Variants in DACH1 observed in about 807,000 individuals in gnomAD.
DACH1 encodes dachshund family transcription factor 1, also known as dachshund homolog 1.
A neutral mutation model predicts 54.2 loss-of-function variants in DACH1; 12 were observed. The observed-to-expected ratio is 0.22, with a 90% CI of 0.14 to 0.36. The LOEUF (loss-of-function observed/expected upper bound fraction) is 0.36. Among genes scored for constraint, DACH1 ranks in the 10% least tolerant of loss-of-function variants. DACH1 has a pLI of 1.00. For missense variants in DACH1, 805 were observed against 929.8 expected (o/e 0.87, Z 1.75); for synonymous variants, 386 against 366.2 (o/e 1.05, Z -0.62).
Position 71,866,332 on chromosome 13 carries a change from GCTA to G in DACH1, c.435_437del (p.Ser163del). 2.6e-6 allele frequency: 4 copies of G among 1,529,622 alleles called. No homozygotes were observed. Among genetic ancestry groups the G allele is most frequent in the South Asian group, 1.2e-5 (1 of 83,816 alleles). 94.8% of individuals were successfully genotyped at this position (1,529,622 alleles called of 1,614,324 possible). A position where few individuals can be genotyped will look rare whatever the true frequency, so the allele number is the denominator to read the frequency against. ...TACTACTGCTGCTGCTGCTGCTGCT[GCTA>G]CTGCTGCTGCTGCTGCTGCCGGTGC... is the stretch of plus-strand genomic sequence containing the variant. On this transcript the variant is annotated inframe_deletion, in exon 1 of 11. Transcript: ENST00000613252.
intron 10 of DACH1, among the ~76,000 whole-genome samples, chr13:71,471,742 A>C (rs1326042145): frequency 1.3e-5 from 2 of 151,444 alleles, no homozygotes; most frequent in Non-Finnish European, 2.9e-5. Context: ...ACAGAGTGAG[A>C]CTCTGTCTCA....
At chr13:71,558,323 T>C (rs1284148841) in intron 5 of DACH1, among the ~76,000 whole-genome samples, 4 of 152,042 alleles carry the variant, frequency 2.6e-5, no homozygotes, top group African/African-American at 9.7e-5. Context: ...TAAAGTAATA[T>C]GTTACATATA....
chr13:71,470,481 C>A (rs1876977933), intron 10 of DACH1, among the ~76,000 whole-genome samples: 1 of 151,988 alleles, frequency 6.6e-6, no homozygotes, highest in Non-Finnish European at 1.5e-5. Flanking sequence ...ACACTTGCCA[C>A]CATGCCCGGC....
chr13:71,495,103 C>T (rs1206004986), intron 6 of DACH1, among the ~76,000 whole-genome samples: 1 of 151,928 alleles, frequency 6.6e-6, no homozygotes. Flanking sequence ...TCTCTAATGT[C>T]TTTTATTATA....
chr13:71,647,607 T>C (rs947923093), intron 2 of DACH1, among the ~76,000 whole-genome samples: 11 of 152,082 alleles, frequency 7.2e-5, no homozygotes, highest in South Asian at 4.1e-4. Flanking sequence ...CAACCAATCA[T>C]AGGCAAAGAG....
chr13:71,616,879 ATTT>A (rs1171502107), intron 3 of DACH1, among the ~76,000 whole-genome samples: 1 of 140,304 alleles, frequency 7.1e-6, no homozygotes, highest in African/African-American at 2.7e-5. Flanking sequence ...TCGGGGTTCA[ATTT>A]TTTTTTTTTT....
chr13:71,619,472 A>C (rs1009516661), intron 3 of DACH1, among the ~76,000 whole-genome samples: 1 of 151,922 alleles, frequency 6.6e-6, no homozygotes, highest in African/African-American at 2.4e-5. Context: ...AATACCATCA[A>C]ATGCTTCATG....
chr13:71,756,314 A>AT (rs1209301751), intron 1 of DACH1, among the ~76,000 whole-genome samples: 6 of 152,022 alleles, frequency 3.9e-5, no homozygotes, highest in African/African-American at 1.2e-4. Flanking sequence ...AAGTGCTGGG[A>AT]TTACCTAAGT....
chr13:71,549,248 G>A (rs1398172109), intron 6 of DACH1, among the ~76,000 whole-genome samples: 1 of 152,092 alleles, frequency 6.6e-6, no homozygotes, highest in Non-Finnish European at 1.5e-5. Context: ...AAACTGATAA[G>A]TGAGTCTACT....
intron 3 of DACH1, among the ~76,000 whole-genome samples, chr13:71,600,232 CAAGACA>C: frequency 6.6e-6 from 1 of 152,166 alleles, no homozygotes; most frequent in Middle Eastern, 3.4e-3. Context: ...TTGCCCAAGG[CAAGACA>C]ACTTTCAAGT....
intron 3 of DACH1, among the ~76,000 whole-genome samples, chr13:71,594,421 T>C (rs566321164): frequency 3.3e-5 from 5 of 152,218 alleles, no homozygotes; most frequent in Admixed American, 1.3e-4. Flanking sequence ...CTTTTATAGA[T>C]ATTTTATTAC....
chr13:71,826,994 T>A (rs1888407789), intron 1 of DACH1, among the ~76,000 whole-genome samples: 1 of 152,104 alleles, frequency 6.6e-6, no homozygotes, highest in African/African-American at 2.4e-5. Flanking sequence ...TCCACTAGGA[T>A]GAGGATTAAG....
At chr13:71,643,326 C>T (rs770425829) in intron 2 of DACH1, among the ~76,000 whole-genome samples, 4 of 152,164 alleles carry the variant, frequency 2.6e-5, no homozygotes, top group Non-Finnish European at 4.4e-5. Flanking sequence ...TTTTGCAATA[C>T]TCTTACCATA....
intron 6 of DACH1, among the ~76,000 whole-genome samples, chr13:71,502,105 A>G (rs868057706): frequency 1.3e-5 from 2 of 152,158 alleles, no homozygotes; most frequent in South Asian, 4.1e-4. Context: ...ATAAATATAT[A>G]TTCAAAAAAT....
chr13:71,700,332 C>T lies in DACH1; in HGVS notation c.849-18422G>A, dbSNP rs888255781. Among the ~76,000 whole-genome samples the T allele has an allele frequency of 2.0e-5, 3 of 151,918 alleles. No homozygotes were observed. The East Asian group carries it at 5.8e-4, about 29-fold the overall frequency. On this transcript the variant is annotated intron_variant, in intron 1 of 10. Transcript: ENST00000613252. ...CAGCACTTTGGGAGTCCGAGTTGGG[C>T]GGATCACGAGGTCAGGAGTTCGAGA...
chr13:71,488,463 A>T (rs1047597968), intron 7 of DACH1, among the ~76,000 whole-genome samples: 4 of 152,190 alleles, frequency 2.6e-5, no homozygotes, highest in African/African-American at 4.8e-5. Flanking sequence ...AAATCCGTGG[A>T]AAGTTTGGTA....
At chr13:71,485,912 G>T (rs1878465497) in intron 7 of DACH1, among the ~76,000 whole-genome samples, 1 of 151,238 alleles carries the variant, frequency 6.6e-6, no homozygotes, top group Admixed American at 6.6e-5. Context: ...TTAAATGCAG[G>T]AATTCAGTAT....
chr13:71,452,395 T>A (rs1385184470), intron 10 of DACH1, among the ~76,000 whole-genome samples: 1 of 152,142 alleles, frequency 6.6e-6, no homozygotes, highest in Non-Finnish European at 1.5e-5. Context: ...CCCAAACTGC[T>A]GGGATTAAAG....
intron 1 of DACH1, among the ~76,000 whole-genome samples, chr13:71,858,582 T>C (rs1874154009): frequency 1.3e-5 from 2 of 151,824 alleles, no homozygotes; most frequent in South Asian, 4.1e-4. Flanking sequence ...TTTCTATTTT[T>C]CAAATCATAG....
Sources: gnomAD v4.1 joint callset for allele counts (sites outside exome capture counted in the v4.1 genomes callset) on GRCh38, gnomAD v4.1.1 for gene constraint, MANE v1.5 for transcripts, NCBI Gene and HGNC (gene_info 2026-07-23, HGNC 2026-07-21) for gene names.